Variants in NKAIN3 observed in about 807,000 individuals in gnomAD.
NKAIN3 encodes the protein sodium/potassium-transporting ATPase subunit beta-1-interacting protein 3.
Under a neutral mutation model 30.2 loss-of-function variants are expected in NKAIN3, and 25 were observed. That is an observed-to-expected ratio of 0.83 (90% CI 0.60 to 1.16). The LOEUF (loss-of-function observed/expected upper bound fraction) is 1.16. Ranked by LOEUF, NKAIN3 falls within the 50% of genes most tolerant of loss-of-function variation. The pLI is 0.00. For missense variants in NKAIN3, 225 were observed against 254.1 expected (o/e 0.89, Z 0.78); for synonymous variants, 91 against 89.6 (o/e 1.02, Z -0.09).
In NKAIN3 at chr8:62,342,274, A is replaced by G. The variant is rs376695881; in HGVS notation, c.54+93147A>G. 5.6e-4 allele frequency among the ~76,000 whole-genome samples: 85 copies of G among 151,298 alleles called. 1 individual carries two copies. The highest frequency in any genetic ancestry group is 3.4e-3 in the Middle Eastern group (1 of 292). On this transcript the variant is annotated intron_variant, in intron 1 of 6. Transcript: ENST00000623646. ...AAGAGATAGAAAATAAAATAAAAGGAAAAGAAGAAAAGAAAATCTTTCTTT... is the reference window on the plus strand; with the variant it reads ...AAGAGATAGAAAATAAAATAAAAGGGAAAGAAGAAAAGAAAATCTTTCTTT...
At chr8:62,265,592 T>C (rs1812577672) in intron 1 of NKAIN3, among the ~76,000 whole-genome samples, 1 of 152,184 alleles carries the variant, frequency 6.6e-6, no homozygotes, top group South Asian at 2.1e-4. Flanking sequence ...AATATGAAAG[T>C]AAATCTATTT....
At chr8:62,928,667 G>A (rs920612565) in intron 5 of NKAIN3, among the ~76,000 whole-genome samples, 10 of 152,140 alleles carry the variant, frequency 6.6e-5, no homozygotes, top group African/African-American at 1.9e-4. Flanking sequence ...TTACTTCCAC[G>A]TGTGATTCTT....
At chr8:62,337,281 C>T (rs1815586779) in intron 1 of NKAIN3, among the ~76,000 whole-genome samples, 1 of 152,034 alleles carries the variant, frequency 6.6e-6, no homozygotes, top group South Asian at 2.1e-4. Context: ...GAAATCCTTA[C>T]TGGATATTTT....
At chr8:62,597,954 G>A (rs1470044702) in intron 3 of NKAIN3, among the ~76,000 whole-genome samples, 3 of 151,968 alleles carry the variant, frequency 2.0e-5, no homozygotes, top group South Asian at 2.1e-4. Flanking sequence ...GAATTCAGGA[G>A]GAAAGTTTTG....
chr8:62,318,828 C>A (rs977640697), intron 1 of NKAIN3, among the ~76,000 whole-genome samples: 1 of 152,148 alleles, frequency 6.6e-6, no homozygotes, highest in South Asian at 2.1e-4. Context: ...GCTTTGGTAT[C>A]AGGATGATGC....
chr8:62,303,965 C>G (rs1258837835), intron 1 of NKAIN3, among the ~76,000 whole-genome samples: 1 of 150,562 alleles, frequency 6.6e-6, no homozygotes, highest in African/African-American at 2.5e-5. Context: ...ACGATTAGTA[C>G]TGTCTTTTAA....
chr8:62,633,134 A>G (rs1812020356), intron 3 of NKAIN3, among the ~76,000 whole-genome samples: 1 of 152,156 alleles, frequency 6.6e-6, no homozygotes, highest in Non-Finnish European at 1.5e-5. Context: ...CGTGATTGAG[A>G]GTTACTGAAT....
At chr8:62,302,000 T>G (rs748137578) in intron 1 of NKAIN3, among the ~76,000 whole-genome samples, 3 of 152,100 alleles carry the variant, frequency 2.0e-5, no homozygotes, top group Non-Finnish European at 4.4e-5. Context: ...CAGACTTTTG[T>G]AAAAGTAGCC....
intron 1 of NKAIN3, among the ~76,000 whole-genome samples, chr8:62,306,747 T>G (rs919028469): frequency 2.7e-5 from 4 of 150,064 alleles, no homozygotes; most frequent in Non-Finnish European, 4.4e-5. Flanking sequence ...TAGGATTCCA[T>G]GTTCAGGATG....
At chr8:62,759,091 TTAAAAATTACATTCTCTTAACCATAAA>T (rs547113785) in intron 4 of NKAIN3, among the ~76,000 whole-genome samples, 1 of 152,322 alleles carries the variant, frequency 6.6e-6, no homozygotes, top group African/African-American at 2.4e-5. Context: ...AAGTAATCTT[TTAAAAATTACATTCTCTTAACCATAAA>T]ACAATAACCA....
chr8:62,616,740 C>A (rs1184475321), intron 3 of NKAIN3, among the ~76,000 whole-genome samples: 1 of 152,132 alleles, frequency 6.6e-6, no homozygotes, highest in Non-Finnish European at 1.5e-5. Context: ...AAGTTCCAAC[C>A]CTCTAATCAT....
chr8:62,606,392 C>G (rs1419918477), intron 3 of NKAIN3, among the ~76,000 whole-genome samples: 1 of 152,092 alleles, frequency 6.6e-6, no homozygotes, highest in Non-Finnish European at 1.5e-5. Context: ...ATGTGCTCCT[C>G]AACTCTAAGA....
chr8:62,989,526 G>A (rs1368491268), downstream of NKAIN3, among the ~76,000 whole-genome samples: 1 of 151,978 alleles, frequency 6.6e-6, no homozygotes, highest in Admixed American at 6.6e-5. Context: ...ATCAGCACAT[G>A]AAAGACCCAC....
chr8:62,634,466 G>C (rs777723861), intron 3 of NKAIN3, among the ~76,000 whole-genome samples: 1 of 152,114 alleles, frequency 6.6e-6, no homozygotes, highest in Non-Finnish European at 1.5e-5. Flanking sequence ...CCAATTAAAG[G>C]CTTCTTCCCT....
At chr8:62,776,350 C>A (rs1310729748) in intron 4 of NKAIN3, among the ~76,000 whole-genome samples, 1 of 151,716 alleles carries the variant, frequency 6.6e-6, no homozygotes, top group Non-Finnish European at 1.5e-5. Flanking sequence ...TTTTTGTGAC[C>A]TTCTCTTTCT....
At chr8:62,297,032 G>T (rs1443069285) in intron 1 of NKAIN3, among the ~76,000 whole-genome samples, 6 of 151,962 alleles carry the variant, frequency 3.9e-5, no homozygotes, top group African/African-American at 1.4e-4. Context: ...CAATGCATTT[G>T]CTTTTCTCTG....
At chr8:62,852,781 T>C (rs1294842938) in intron 4 of NKAIN3, among the ~76,000 whole-genome samples, 3 of 152,232 alleles carry the variant, frequency 2.0e-5, no homozygotes, top group African/African-American at 4.8e-5. Flanking sequence ...AGTTTCTTAA[T>C]CCTGAGTTCT....
chr8:62,558,765 G>A (rs1451444758), intron 1 of NKAIN3, among the ~76,000 whole-genome samples: 1 of 151,446 alleles, frequency 6.6e-6, no homozygotes, highest in African/African-American at 2.4e-5. Flanking sequence ...TTTTCAGGTG[G>A]GAGCCCAGAT....
rs1459949014 is a variant in NKAIN3, at chr8:62,980,333, G to A, written c.*14926G>A. 3 of 152,016 alleles carry A rather than the reference G, an allele frequency of 2.0e-5. No individual in the cohort carries two copies. The highest frequency in any genetic ancestry group is 7.3e-5 in the African/African-American group (3 of 41,370). 9.4% of individuals were successfully genotyped at this position (152,016 alleles called of 1,614,324 possible). A position where few individuals can be genotyped will look rare whatever the true frequency, so the allele number is the denominator to read the frequency against. On this transcript the variant is annotated 3_prime_UTR_variant, in exon 7 of 7. Transcript: ENST00000623646. The stretch of plus-strand genomic sequence containing the variant: ...AAGGGGATTGCTCTTTTCTCCTTCT[G>A]GTTTCTCAAATCTACTTTTAACTTC...
Sources: gnomAD v4.1 joint callset for allele counts (sites outside exome capture counted in the v4.1 genomes callset) on GRCh38, gnomAD v4.1.1 for gene constraint, MANE v1.5 for transcripts, NCBI Gene and HGNC (gene_info 2026-07-23, HGNC 2026-07-21) for gene names.